The following CACNG2 variants were observed in gnomAD, a reference collection of about 807,000 sequenced individuals.
CACNG2 encodes voltage-dependent calcium channel gamma-2 subunit.
Under a neutral mutation model 25.9 loss-of-function variants are expected in CACNG2, and 3 were observed. The ratio of observed to expected loss-of-function variants is 0.12; its 90% CI spans 0.05 to 0.30. The LOEUF (loss-of-function observed/expected upper bound fraction) is 0.30. Ranked by LOEUF, CACNG2 falls within the 10% of genes least tolerant of loss-of-function variation. CACNG2 has a pLI of 1.00. For missense variants in CACNG2, 341 were observed against 432.5 expected (o/e 0.79, Z 1.88); for synonymous variants, 167 against 173.3 (o/e 0.96, Z 0.29).
Position 36,660,602 on chromosome 22 carries a change from C to G in CACNG2, c.211+41764G>C, listed in dbSNP as rs999080363. Among the ~76,000 whole-genome samples the G allele has an allele frequency of 7.9e-5, 12 of 152,352 alleles. No individual in the cohort carries two copies. The East Asian group carries it at 2.3e-3, about 29-fold the overall frequency. ...GACGCTGCTACTTTCAGTGTGGTGG[C>G]CTTCCTTCCACCAGCCTGGCCCCCC... On this transcript the variant is annotated intron_variant, in intron 1 of 3. Coordinates refer to ENST00000300105, the MANE Select transcript of CACNG2 (RefSeq NM_006078.5).
At chr22:36,607,813 T>G (rs1006001190) in intron 1 of CACNG2, among the ~76,000 whole-genome samples, 1 of 152,042 alleles carries the variant, frequency 6.6e-6, no homozygotes, top group African/African-American at 2.4e-5. Flanking sequence ...GATCCAAAAC[T>G]CTCATCTTCT....
At chr22:36,580,549 G>A (rs1935397961) in intron 2 of CACNG2, among the ~76,000 whole-genome samples, 1 of 152,134 alleles carries the variant, frequency 6.6e-6, no homozygotes, top group African/African-American at 2.4e-5. Flanking sequence ...TGAGGCCTGT[G>A]TGTGTGGCCT....
intron 1 of CACNG2, among the ~76,000 whole-genome samples, chr22:36,612,874 C>T (rs1040168122): frequency 2.0e-5 from 3 of 152,242 alleles, no homozygotes; most frequent in Admixed American, 6.5e-5. Flanking sequence ...AGTGGTTTAC[C>T]GGCTGCAGGT....
At chr22:36,641,755 T>G (rs1411063210) in intron 1 of CACNG2, among the ~76,000 whole-genome samples, 3 of 152,242 alleles carry the variant, frequency 2.0e-5, no homozygotes, top group Non-Finnish European at 4.4e-5. Context: ...ATTGAATGAC[T>G]TCAGGACTTG....
At chr22:36,657,749 G>C (rs191851818) in intron 1 of CACNG2, among the ~76,000 whole-genome samples, 3 of 151,984 alleles carry the variant, frequency 2.0e-5, no homozygotes, top group Non-Finnish European at 4.4e-5. Flanking sequence ...ATGAGCAAAA[G>C]TGTCGTGAGG....
chr22:36,638,239 G>T (rs182198731), intron 1 of CACNG2, among the ~76,000 whole-genome samples: 1 of 152,258 alleles, frequency 6.6e-6, no homozygotes, highest in East Asian at 1.9e-4. Context: ...CCTGTTTCTT[G>T]CTTCCTTCTC....
chr22:36,636,316 C>T (rs949121389), intron 1 of CACNG2, among the ~76,000 whole-genome samples: 3 of 152,136 alleles, frequency 2.0e-5, no homozygotes, highest in Admixed American at 6.5e-5. Context: ...CCCCCAAATG[C>T]GCCAGTGCCA....
chr22:36,651,618 A>G (rs977003461), intron 1 of CACNG2, among the ~76,000 whole-genome samples: 2 of 152,086 alleles, frequency 1.3e-5, no homozygotes, highest in African/African-American at 4.8e-5. Flanking sequence ...AACATGCTAT[A>G]TATTTTACTT....
Position 36,597,711 on chromosome 22 carries a change from T to A in CACNG2, c.212-10163A>T, listed in dbSNP as rs114678232. Among the ~76,000 whole-genome samples the A allele has an allele frequency of 3.4e-3, 519 of 152,308 alleles. 3 individuals carry two copies. The highest frequency in any genetic ancestry group is 0.012 in the African/African-American group (502 of 41,560). ...CTCCTATGCAGTGCTTTTCAGCATT[T>A]TAATGGGCATGGGAAGCCCCTGGGG... On this transcript the variant is annotated intron_variant, in intron 1 of 3. Coordinates refer to ENST00000300105, the MANE Select transcript of CACNG2 (RefSeq NM_006078.5).
At chr22:36,604,092 CAACATT>C (rs1419064983) in intron 1 of CACNG2, among the ~76,000 whole-genome samples, 4 of 152,138 alleles carry the variant, frequency 2.6e-5, no homozygotes, top group African/African-American at 9.7e-5. Flanking sequence ...GTCAAAGTAT[CAACATT>C]AACAGGAATT....
chr22:36,596,860 A>G (rs543667124), intron 1 of CACNG2, among the ~76,000 whole-genome samples: 34 of 151,622 alleles, frequency 2.2e-4, no homozygotes, highest in African/African-American at 6.3e-4. Context: ...TGGGCTCAAG[A>G]GATCCTCCCA....
At chr22:36,579,378 T>TG (rs1935375199) in intron 2 of CACNG2, among the ~76,000 whole-genome samples, 1 of 108,026 alleles carries the variant, frequency 9.3e-6, no homozygotes, top group South Asian at 3.1e-4. Context: ...CACTCCAGCC[T>TG]GGGCAACAAA....
Position 36,655,781 on chromosome 22 carries a change from CT to C in CACNG2, c.211+46584del, listed in dbSNP as rs796786219. 3.0e-3 allele frequency among the ~76,000 whole-genome samples: 350 copies of C among 115,848 alleles called. 1 individual carries two copies. The highest frequency in any genetic ancestry group is 0.012 in the African/African-American group (332 of 28,076). 76.0% of individuals were successfully genotyped at this position (115,848 alleles called of 152,430 possible). On this transcript the variant is annotated intron_variant, in intron 1 of 3. Transcript: ENST00000300105. ...TTCTTTCTTTCTCTTTCTTTCCTTCCTTCCTTCCTTCCTTCTTTCTTCTTTC... is the reference window on the plus strand; with the variant it reads ...TTCTTTCTTTCTCTTTCTTTCCTTCCTCCTTCCTTCCTTCTTTCTTCTTTC...
Position 36,564,503 on chromosome 22 carries a change from T to C in CACNG2, c.820A>G (p.Ser274Gly), listed in dbSNP as rs1247279000. 4 of 1,614,146 alleles carry C rather than the reference T, an allele frequency of 2.5e-6. No homozygotes were observed. Among genetic ancestry groups the C allele is most frequent in the Non-Finnish European group, 3.4e-6 (4 of 1,179,988 alleles). The change falls in exon 4 of 4, where the codon AGC (serine) becomes GGC (glycine). Residue 274 changes from serine (S) to glycine (G), a missense_variant. Ser to Gly is a moderately conservative substitution (Grantham distance 56). Coordinates refer to ENST00000300105, the MANE Select transcript of CACNG2 (RefSeq NM_006078.5). This position sits in a 1 kb window ranked among gnomAD's most constrained non-coding sequence, Gnocchi z 6.7. ...GTGGCGGCCTTCAGGGGGTCCCTGC[T>C]GAGCGTGTACATGGAGATCTCCGTG... ...PSTEISMYTLSRDPLKAATTP... is the reference protein window; with the variant it reads ...PSTEISMYTLGRDPLKAATTP...
At chr22:36,666,836 C>A (rs913798269) in intron 1 of CACNG2, among the ~76,000 whole-genome samples, 2 of 152,176 alleles carry the variant, frequency 1.3e-5, no homozygotes. Flanking sequence ...TCTATCACGG[C>A]CACCTCTCTC....
chr22:36,628,168 G>A (rs1270604013), intron 1 of CACNG2, among the ~76,000 whole-genome samples: 2 of 152,134 alleles, frequency 1.3e-5, no homozygotes, highest in East Asian at 3.9e-4. Flanking sequence ...TAATAAGCAT[G>A]TTTTGCTTAT....
At chr22:36,617,667 A>G (rs2145946471) in intron 1 of CACNG2, among the ~76,000 whole-genome samples, 1 of 148,550 alleles carries the variant, frequency 6.7e-6, no homozygotes, top group East Asian at 2.0e-4. Context: ...CTCTTTTCCC[A>G]TCTTAAATTC....
At chr22:36,611,233 G>T (rs1274062608) in intron 1 of CACNG2, among the ~76,000 whole-genome samples, 4 of 152,118 alleles carry the variant, frequency 2.6e-5, no homozygotes, top group Non-Finnish European at 5.9e-5. Context: ...ATAGATTCGG[G>T]CTCAAGGGCA....
At chr22:36,682,558 G>A (rs1419972691) in intron 1 of CACNG2, among the ~76,000 whole-genome samples, 1 of 138,620 alleles carries the variant, frequency 7.2e-6, no homozygotes, top group African/African-American at 2.7e-5. Context: ...CTACTCAATG[G>A]TGACTTGTAT....
Sources: allele counts gnomAD v4.1 joint callset (sites outside exome capture counted in the v4.1 genomes callset), GRCh38; gene constraint gnomAD v4.1.1; non-coding constraint Gnocchi (gnomAD v3.1); transcripts MANE v1.5; gene names NCBI Gene and HGNC (gene_info 2026-07-23, HGNC 2026-07-21).